HABP4: variants seen among roughly 807,000 people sequenced by gnomAD.
HABP4 encodes intracellular hyaluronan-binding protein 4.
A neutral mutation model predicts 44.1 loss-of-function variants in HABP4; 32 were observed. That is an observed-to-expected ratio of 0.73 (90% CI 0.55 to 0.97). HABP4 has a LOEUF of 0.97. HABP4 is among the 50% of genes least tolerant of loss of function. The probability of loss-of-function intolerance (pLI) is 0.00; values close to 1 mark genes in which losing one functional copy is unlikely to be tolerated. For missense variants in HABP4, 503 were observed against 561.9 expected (o/e 0.90, Z 1.06); for synonymous variants, 216 against 218.0 (o/e 0.99, Z 0.08).
At position 96,450,502 on chromosome 9, in the gene HABP4, C is replaced by T. The variant is rs1354919303; in HGVS notation, c.223C>T (p.Pro75Ser). ...AGAGPRGGRS[P>S]AGASGHRAGA... Reference sequence around the variant, plus strand: ...GGCCGGTCCCCGCGGCGGCAGGAGCCCAGCCGGGGCCTCGGGCCACAGAGC... The same window carrying T: ...GGCCGGTCCCCGCGGCGGCAGGAGCTCAGCCGGGGCCTCGGGCCACAGAGC... The change falls in exon 1 of 8, where the codon CCA becomes TCA. Residue 75 changes from proline (P) to serine (S), a missense_variant. This residue lies in a region of HABP4 where 290 missense variants were observed against 300.5 expected (regional missense o/e 0.97). Transcript: ENST00000375249. The surrounding 1 kb of genome is among the most constrained non-coding windows in gnomAD (Gnocchi z 4.8). 3.7e-5 allele frequency: 45 copies of T among 1,213,520 alleles called. No homozygotes were observed. Among genetic ancestry groups the T allele is most frequent in the Middle Eastern group, 3.2e-4 (1 of 3,132 alleles). The allele number at this position is 1,213,520 out of a possible 1,614,324, so 75.2% of individuals were successfully genotyped here. A position where few individuals can be genotyped will look rare whatever the true frequency, so the allele number is the denominator to read the frequency against.
intron 5 of HABP4, among the ~76,000 whole-genome samples, chr9:96,478,236 G>A (rs1328716061): frequency 6.6e-6 from 1 of 151,964 alleles, no homozygotes; most frequent in Non-Finnish European, 1.5e-5. Context: ...AGGTTCAAGC[G>A]ATTCTCTTGC....
Position 96,454,992 on chromosome 9 carries a change from G to A in HABP4, c.350-3387G>A, listed in dbSNP as rs554400255. 1.1e-4 allele frequency among the ~76,000 whole-genome samples: 16 copies of A among 152,122 alleles called. No homozygotes were observed. In the South Asian group the frequency reaches 2.3e-3, roughly 22 times the overall value. On this transcript the variant is annotated intron_variant, in intron 1 of 7. Coordinates refer to ENST00000375249, the MANE Select transcript of HABP4 (RefSeq NM_014282.4). The stretch of plus-strand genomic sequence containing the variant: ...TTAATTAGCTGGGTGTGATGGTGCA[G>A]CCTGTAGTCCTGGCTATTTGAGAGG...
chr9:96,488,140 A>G lies in HABP4; in HGVS notation c.1051A>G (p.Asn351Asp). The part of the protein sequence containing the change: ...DDSHVFRKPA[N>D]DITSQLEINF... ...TTCCCATGTTTTCCGGAAACCCGCC[A>G]ATGACATCACATCCCAGCTGGAGAT... The change falls in exon 7 of 8, where the codon AAT becomes GAT. Residue 351 changes from asparagine to aspartate, a missense_variant. Asn to Asp is a conservative substitution (Grantham distance 23, BLOSUM62 1). Coordinates refer to ENST00000375249, the MANE Select transcript of HABP4 (RefSeq NM_014282.4). This position sits in a 1 kb window ranked among gnomAD's most constrained non-coding sequence, Gnocchi z 4.6. 6.2e-7 allele frequency: 1 copy of G among 1,613,554 alleles called. No homozygotes were observed. The highest frequency in any genetic ancestry group is 8.5e-7 in the Non-Finnish European group (1 of 1,179,482).
intron 5 of HABP4, among the ~76,000 whole-genome samples, chr9:96,480,123 A>G (rs1832850254): frequency 6.6e-6 from 1 of 152,124 alleles, no homozygotes. Flanking sequence ...TGCAGTGAGC[A>G]GAGATCATAC....
Position 96,450,594 on chromosome 9 carries a change from G to A in HABP4, c.315G>A (p.Arg105=). ...RKSLPAPVAQ[R]PDSPGGGLQA... is the part of the protein sequence containing the mutation. ...GCCTCCCGGCGCCCGTCGCTCAGCG[G>A]CCCGATAGCCCCGGGGGCGGCCTGC... Residue 105 remains arginine (R), a synonymous_variant, in exon 1 of 8, where the codon CGG becomes CGA. Transcript: ENST00000375249. The surrounding 1 kb of genome is among the most constrained non-coding windows in gnomAD (Gnocchi z 4.8). 1 of 1,283,388 alleles carries A rather than the reference G, an allele frequency of 7.8e-7. No individual in the cohort carries two copies. The highest frequency in any genetic ancestry group is 9.8e-7 in the Non-Finnish European group (1 of 1,015,362). 79.5% of individuals were successfully genotyped at this position (1,283,388 alleles called of 1,614,324 possible). A position where few individuals can be genotyped will look rare whatever the true frequency, so the allele number is the denominator to read the frequency against.
At chr9:96,463,068 T>C (rs1832533783) in intron 2 of HABP4, among the ~76,000 whole-genome samples, 1 of 150,460 alleles carries the variant, frequency 6.6e-6, no homozygotes, top group Non-Finnish European at 1.5e-5. Flanking sequence ...TTCAGCCTCC[T>C]GAGTAGCTGA....
At chr9:96,478,980 G>A (rs1564167289) in intron 5 of HABP4, among the ~76,000 whole-genome samples, 1 of 151,976 alleles carries the variant, frequency 6.6e-6, no homozygotes, top group Non-Finnish European at 1.5e-5. Flanking sequence ...AGCATTTTTT[G>A]TGTGGTATTT....
chr9:96,474,190 A>C (rs1832743195), intron 5 of HABP4, among the ~76,000 whole-genome samples: 1 of 152,232 alleles, frequency 6.6e-6, no homozygotes, highest in African/African-American at 2.4e-5. Flanking sequence ...TGTATTATTC[A>C]AAACAAGAAA....
chr9:96,472,427 A>G (rs951341388), intron 5 of HABP4, among the ~76,000 whole-genome samples: 3 of 151,978 alleles, frequency 2.0e-5, no homozygotes, highest in African/African-American at 7.3e-5. Flanking sequence ...TGGATGCAAC[A>G]TTTCCTTCTA....
At chr9:96,481,382 G>A (rs907422608) in intron 5 of HABP4, among the ~76,000 whole-genome samples, 1 of 151,986 alleles carries the variant, frequency 6.6e-6, no homozygotes, top group African/African-American at 2.4e-5. Context: ...GTGAGCCACC[G>A]CGCCCGGCCT....
intron 1 of HABP4, among the ~76,000 whole-genome samples, chr9:96,452,413 T>C (rs1832299980): frequency 6.6e-6 from 1 of 152,166 alleles, no homozygotes. Flanking sequence ...TGCATTTATA[T>C]ACATAAATGC....
intron 7 of HABP4, among the ~76,000 whole-genome samples, chr9:96,489,074 G>T (rs1833029741): frequency 2.0e-5 from 3 of 152,164 alleles, no homozygotes; most frequent in Admixed American, 2.0e-4. Context: ...TCTGTGGCTG[G>T]TCTTGGCAAT....
intron 5 of HABP4, among the ~76,000 whole-genome samples, chr9:96,471,708 T>G (rs1378615898): frequency 6.6e-6 from 1 of 152,136 alleles, no homozygotes; most frequent in Non-Finnish European, 1.5e-5. Context: ...GTCCCCTCTG[T>G]GCTCTCCCAG....
intron 1 of HABP4, among the ~76,000 whole-genome samples, chr9:96,456,644 C>T (rs1250676519): frequency 6.7e-6 from 1 of 149,912 alleles, no homozygotes; most frequent in African/African-American, 2.5e-5. Flanking sequence ...CCTATAGTCC[C>T]AGCTACTGGG....
At chr9:96,456,783 ATATATATATATATAT>A (rs1564158871) in intron 1 of HABP4, among the ~76,000 whole-genome samples, 818 of 41,784 alleles carry the variant, frequency 0.02, 20 homozygotes, top group Non-Finnish European at 0.025. Context: ...AAAAAAAAAT[ATATATATATATATAT>A]ATATATATAT....
chr9:96,456,696 C>T (rs1230906451), intron 1 of HABP4, among the ~76,000 whole-genome samples: 1 of 137,734 alleles, frequency 7.3e-6, no homozygotes. Context: ...GGAGGCGGTG[C>T]TTGCAGTGAG....
chr9:96,468,270 T>C (rs2131135308), intron 4 of HABP4, among the ~76,000 whole-genome samples: 1 of 150,372 alleles, frequency 6.7e-6, no homozygotes, highest in African/African-American at 2.4e-5. Flanking sequence ...TTTTTTTTTT[T>C]TTTCTGAGAC....
intron 4 of HABP4, among the ~76,000 whole-genome samples, chr9:96,469,145 TC>T (rs1188712269): frequency 6.6e-6 from 1 of 152,260 alleles, no homozygotes; most frequent in Non-Finnish European, 1.5e-5. Flanking sequence ...TAGAATTTTT[TC>T]TATTTATCTG....
chr9:96,489,189 G>A (rs1006188660), intron 7 of HABP4, among the ~76,000 whole-genome samples: 4 of 152,060 alleles, frequency 2.6e-5, no homozygotes, highest in South Asian at 2.1e-4. Context: ...TTTTTTGGGC[G>A]GGGGGTGTAG....
Sources: allele counts gnomAD v4.1 joint callset (sites outside exome capture counted in the v4.1 genomes callset), GRCh38; gene constraint gnomAD v4.1.1; regional missense constraint gnomAD v4.1.1; non-coding constraint Gnocchi (gnomAD v3.1); transcripts MANE v1.5; gene names NCBI Gene and HGNC (gene_info 2026-07-23, HGNC 2026-07-21).